RHBDD1: variants seen among roughly 807,000 people sequenced by gnomAD.
The protein encoded by RHBDD1 is rhomboid domain containing 1.
A neutral mutation model predicts 36.3 loss-of-function variants in RHBDD1; 38 were observed. That is an observed-to-expected ratio of 1.05 (90% CI 0.81 to 1.37). RHBDD1 has a LOEUF of 1.37. RHBDD1 is among the 40% of genes most tolerant of loss of function. The pLI is 0.00. For missense variants in RHBDD1, 393 were observed against 377.6 expected (o/e 1.04, Z -0.34); for synonymous variants, 151 against 136.5 (o/e 1.11, Z -0.74).
At chr2:226,817,347 A>G in the RHBDD1 span, among the ~76,000 whole-genome samples, 4 of 152,340 alleles carry the variant, frequency 2.6e-5, no homozygotes, top group Admixed American at 2.6e-4. Flanking sequence ...AGTCACAGAC[A>G]GTTGATCTGG....
intron 8 of RHBDD1, among the ~76,000 whole-genome samples, chr2:226,954,706 CATG>C (rs1951673209): frequency 6.6e-6 from 1 of 151,876 alleles, no homozygotes; most frequent in Non-Finnish European, 1.5e-5. Flanking sequence ...ATTTGGAGGC[CATG>C]CTATGAAGAA....
At chr2:226,880,444 A>G (rs1945624845) in intron 5 of RHBDD1, among the ~76,000 whole-genome samples, 1 of 152,222 alleles carries the variant, frequency 6.6e-6, no homozygotes, top group African/African-American at 2.4e-5. Context: ...TCAAGGTGAG[A>G]GCAATATTTA....
rs148396628 is a variant in RHBDD1 at position 226,992,793 on chromosome 2, C to T, written c.857-2638C>T. Among the ~76,000 whole-genome samples, 692 of 152,208 alleles carry T rather than the reference C, an allele frequency of 4.5e-3. 5 individuals carry two copies. The highest frequency in any genetic ancestry group is 7.7e-3 in the Admixed American group (117 of 15,292). On this transcript the variant is annotated intron_variant, in intron 8 of 8. Coordinates refer to ENST00000392062, the MANE Select transcript of RHBDD1 (RefSeq NM_001167608.3). ...ACCCTGAACACTTGCGGTGTGAGAACCGATGGCCACGTGGGGAAGTGGGAA... is the reference window on the plus strand; with the variant it reads ...ACCCTGAACACTTGCGGTGTGAGAATCGATGGCCACGTGGGGAAGTGGGAA...
At chr2:226,927,810 T>G (rs1470808596) in intron 8 of RHBDD1, among the ~76,000 whole-genome samples, 2 of 152,128 alleles carry the variant, frequency 1.3e-5, no homozygotes, top group Non-Finnish European at 2.9e-5. Flanking sequence ...TTTGTTTTCT[T>G]ATCTTTGAGT....
the RHBDD1 span, chr2:226,804,689 A>G: frequency 2.0e-5 from 3 of 152,224 alleles, no homozygotes; most frequent in African/African-American, 7.2e-5. Flanking sequence ...ATTTCAAAAC[A>G]TTTGCTGTTT....
chr2:226,861,938 A>G (rs1176642019), intron 3 of RHBDD1, among the ~76,000 whole-genome samples: 3 of 152,142 alleles, frequency 2.0e-5, no homozygotes, highest in African/African-American at 7.2e-5. Flanking sequence ...CAATATAGAA[A>G]CGGGTTGTGC....
At chr2:226,928,262 A>G (rs1949795209) in intron 8 of RHBDD1, among the ~76,000 whole-genome samples, 1 of 152,056 alleles carries the variant, frequency 6.6e-6, no homozygotes, top group Non-Finnish European at 1.5e-5. Flanking sequence ...ACATCAGTCT[A>G]TTTCTGAAAA....
At chr2:226,918,259 G>A (rs141198487) in intron 8 of RHBDD1, among the ~76,000 whole-genome samples, 6 of 151,918 alleles carry the variant, frequency 3.9e-5, no homozygotes, top group African/African-American at 9.6e-5. Context: ...GGCATGCAGT[G>A]TATAATACAT....
Position 226,869,215 on chromosome 2 carries a change from G to T in RHBDD1, c.566+1897G>T, listed in dbSNP as rs915887074. ...TATGCATATTCTTTGTGGAGGCACC[G>T]GTAATTCTGAGCTTGGGAAGTAAAT... On this transcript the variant is annotated intron_variant, in intron 5 of 8. Transcript: ENST00000392062. The T allele has an allele frequency of 3.1e-6, 3 of 981,528 alleles. No individual in the cohort carries two copies. In the African/African-American group the frequency reaches 5.2e-5, roughly 17 times the overall value. 60.8% of individuals were successfully genotyped at this position (981,528 alleles called of 1,614,324 possible).
At chr2:226,853,006 CA>C (rs1942980582) in intron 3 of RHBDD1, among the ~76,000 whole-genome samples, 1 of 150,926 alleles carries the variant, frequency 6.6e-6, no homozygotes, top group African/African-American at 2.4e-5. Context: ...TGGCCTCAAG[CA>C]GTCCTCCTAC....
At chr2:226,910,897 C>T (rs1251570450) in intron 7 of RHBDD1, among the ~76,000 whole-genome samples, 1 of 151,954 alleles carries the variant, frequency 6.6e-6, no homozygotes, top group Non-Finnish European at 1.5e-5. Flanking sequence ...CTATGATTGA[C>T]GATATAGAAC....
At chr2:226,988,223 C>A in intron 8 of RHBDD1, 1 of 992,614 alleles carries the variant, frequency 1.0e-6, no homozygotes, top group Non-Finnish European at 1.4e-6. Flanking sequence ...GTCTCAAGAT[C>A]AAGAAGCAAG....
At chr2:226,974,616 A>C (rs1286198236) in intron 8 of RHBDD1, among the ~76,000 whole-genome samples, 2 of 152,200 alleles carry the variant, frequency 1.3e-5, no homozygotes, top group East Asian at 3.8e-4. Flanking sequence ...AGGATGTACA[A>C]AAGAGACATC....
intron 3 of RHBDD1, among the ~76,000 whole-genome samples, chr2:226,859,658 C>G (rs188982068): frequency 2.4e-4 from 37 of 152,236 alleles, no homozygotes; most frequent in Non-Finnish European, 4.9e-4. Flanking sequence ...ATACTATAAT[C>G]CTGGAGCTAC....
At chr2:226,885,986 C>T (rs894349830) in intron 5 of RHBDD1, among the ~76,000 whole-genome samples, 2 of 152,168 alleles carry the variant, frequency 1.3e-5, no homozygotes, top group African/African-American at 2.4e-5. Context: ...TGGAGCAAGA[C>T]AGCGTGAGAT....
intron 5 of RHBDD1, among the ~76,000 whole-genome samples, chr2:226,901,378 A>G (rs540905034): frequency 6.1e-4 from 93 of 152,332 alleles, no homozygotes; most frequent in African/African-American, 1.9e-3. Flanking sequence ...TACTAATTTC[A>G]GTTCCTTTGG....
chr2:226,885,428 G>T (rs144419010), intron 5 of RHBDD1, among the ~76,000 whole-genome samples: 47 of 152,162 alleles, frequency 3.1e-4, no homozygotes, highest in African/African-American at 1.0e-3. Context: ...ACATCCAATA[G>T]TACATGACTC....
intron 5 of RHBDD1, among the ~76,000 whole-genome samples, chr2:226,896,760 C>T (rs755865769): frequency 2.0e-5 from 3 of 149,850 alleles, no homozygotes; most frequent in South Asian, 2.1e-4. Flanking sequence ...TTTCTAAATC[C>T]GTGCAGCACC....
At chr2:226,865,549 T>C (rs1042778070) in intron 4 of RHBDD1, among the ~76,000 whole-genome samples, 1 of 152,160 alleles carries the variant, frequency 6.6e-6, no homozygotes, top group Non-Finnish European at 1.5e-5. Flanking sequence ...ACAAGTTACA[T>C]GAGGCAGATT....
Sources: allele counts gnomAD v4.1 joint callset (sites outside exome capture counted in the v4.1 genomes callset), GRCh38; gene constraint gnomAD v4.1.1; transcripts MANE v1.5; gene names NCBI Gene and HGNC (gene_info 2026-07-23, HGNC 2026-07-21).